TMED3: variants seen among roughly 807,000 people sequenced by gnomAD.
The protein encoded by TMED3 is transmembrane p24 trafficking protein 3, also known as transmembrane emp24 domain-containing protein 3.
A neutral mutation model predicts 15.0 loss-of-function variants in TMED3; 9 were observed. The ratio of observed to expected loss-of-function variants is 0.60; its 90% CI spans 0.36 to 1.04. TMED3 has a LOEUF of 1.04. Ranked by LOEUF, TMED3 falls within the 50% of genes least tolerant of loss-of-function variation. The pLI is 0.01. For missense variants in TMED3, 267 were observed against 278.9 expected, an observed-to-expected ratio of 0.96 and a Z score of 0.30; for synonymous variants, 117 against 121.4, an observed-to-expected ratio of 0.96 and a Z score of 0.24.
chr15:79,353,299 TATATATATTATATATATA>T (rs1236674980), intron 2 of TMED3, among the ~76,000 whole-genome samples: 2 of 7,902 alleles, frequency 2.5e-4, no homozygotes, highest in African/African-American at 9.2e-4. Flanking sequence ...ATATGTATAT[TATATATATTATATATATA>T]ATATATATAA....
In TMED3 at chr15:79,352,990, TTA is replaced by T. The variant is rs1478726858; in HGVS notation, c.417+38987_417+38988del. On this transcript the variant is annotated intron_variant, in intron 2 of 2. Coordinates refer to the TMED3 transcript ENST00000424155. Reference sequence around the variant, plus strand: ...ATATAAAATATATATAAATTATATATTATGTTATATAAAATATATATTATATA... The same window carrying T: ...ATATAAAATATATATAAATTATATATTGTTATATAAAATATATATTATATA... 5.0e-3 allele frequency among the ~76,000 whole-genome samples: 497 copies of T among 99,110 alleles called. 4 individuals carry two copies. Among genetic ancestry groups the T allele is most frequent in the African/African-American group, 0.018 (479 of 26,290 alleles). The allele number at this position is 99,110 out of a possible 152,430, so 65.0% of individuals were successfully genotyped here.
At chr15:79,359,315 C>A (rs985544905) in intron 2 of TMED3, among the ~76,000 whole-genome samples, 1 of 150,698 alleles carries the variant, frequency 6.6e-6, no homozygotes, top group Non-Finnish European at 1.5e-5. Context: ...TCACTGCAAC[C>A]TCCGCCTCCC....
chr15:79,388,943 T>C lies in TMED3; in HGVS notation c.418-22457T>C, dbSNP rs138636995. On this transcript the variant is annotated intron_variant, in intron 2 of 2. Transcript: ENST00000424155. ...AGCCCACTTTTTGATGAGATTGTTT[T>C]TTTTCTTACTGATTTGTTTGAGTTT... 8.2e-3 allele frequency among the ~76,000 whole-genome samples: 1,254 copies of C among 152,296 alleles called. 7 individuals are homozygous for C. The highest frequency in any genetic ancestry group is 0.014 in the Non-Finnish European group (944 of 67,984).
chr15:79,334,382 AT>A (rs1349849879), intron 2 of TMED3, among the ~76,000 whole-genome samples: 2 of 152,194 alleles, frequency 1.3e-5, no homozygotes, highest in East Asian at 3.8e-4. Flanking sequence ...GAATGGCAGC[AT>A]CTAGGGGCCA....
Position 79,392,846 on chromosome 15 carries a change from G to A in TMED3, c.418-18554G>A, listed in dbSNP as rs546821307. ...ACCCTTATCTGGCTGCAAAGCTTGA[G>A]CCTTCCAGTGACACAAAGCTAAAGG... is the stretch of plus-strand genomic sequence containing the variant. On this transcript the variant is annotated intron_variant, in intron 2 of 2. Transcript: ENST00000424155. Among the ~76,000 whole-genome samples the A allele has an allele frequency of 5.3e-5, 8 of 152,274 alleles. No individual in the cohort carries two copies. In the South Asian group the frequency reaches 1.7e-3, roughly 32 times the overall value.
intron 2 of TMED3, among the ~76,000 whole-genome samples, chr15:79,355,526 G>C (rs1350565206): frequency 6.6e-6 from 1 of 152,216 alleles, no homozygotes; most frequent in East Asian, 1.9e-4. Context: ...CAGGGCTCCA[G>C]TCCTGGGGTG....
intron 2 of TMED3, among the ~76,000 whole-genome samples, chr15:79,367,849 A>T (rs543334658): frequency 7.2e-5 from 11 of 152,262 alleles, no homozygotes; most frequent in Non-Finnish European, 1.3e-4. Context: ...GGTAGATTCA[A>T]AGATTTTCCG....
At chr15:79,390,169 T>C (rs950512587) in intron 2 of TMED3, among the ~76,000 whole-genome samples, 3 of 152,166 alleles carry the variant, frequency 2.0e-5, no homozygotes, top group African/African-American at 7.2e-5. Flanking sequence ...CTTGTTCCAG[T>C]TCTCAGAGGG....
At chr15:79,398,842 C>T (rs1428307869) in intron 2 of TMED3, among the ~76,000 whole-genome samples, 1 of 152,160 alleles carries the variant, frequency 6.6e-6, no homozygotes, top group African/African-American at 2.4e-5. Flanking sequence ...GGAATTAGGC[C>T]CACCCACAAT....
chr15:79,318,729 C>T (rs1208178854), intron 2 of TMED3, among the ~76,000 whole-genome samples: 1 of 152,214 alleles, frequency 6.6e-6, no homozygotes, highest in Non-Finnish European at 1.5e-5. Flanking sequence ...CCATCTGTGA[C>T]AGCTGACATG....
At chr15:79,411,481 C>T in exon 3 of TMED3, 1 of 702,496 alleles carries the variant, frequency 1.4e-6, no homozygotes, top group Admixed American at 2.0e-5. Context: ...CACCGAGGGA[C>T]TGGGACGACT....
intron 2 of TMED3, among the ~76,000 whole-genome samples, chr15:79,354,700 C>T (rs1206666526): frequency 6.6e-6 from 1 of 151,980 alleles, no homozygotes; most frequent in Non-Finnish European, 1.5e-5. Flanking sequence ...AGCCTCAGGC[C>T]CATCTTACCC....
intron 2 of TMED3, among the ~76,000 whole-genome samples, chr15:79,354,697 G>C (rs1269857506): frequency 6.6e-6 from 1 of 151,916 alleles, no homozygotes; most frequent in East Asian, 1.9e-4. Context: ...GGAAGCCTCA[G>C]GCCCATCTTA....
chr15:79,355,399 G>A (rs2058915002), intron 2 of TMED3, among the ~76,000 whole-genome samples: 1 of 152,122 alleles, frequency 6.6e-6, no homozygotes, highest in Admixed American at 6.5e-5. Flanking sequence ...TAGGTGGCTG[G>A]GCTGATTGGA....
intron 2 of TMED3, chr15:79,314,561 G>A (rs891523954): frequency 2.9e-5 from 13 of 455,502 alleles, no homozygotes; most frequent in Non-Finnish European, 4.4e-5. Context: ...TCTTCTGCCT[G>A]TAGCTGCCAA....
intron 2 of TMED3, among the ~76,000 whole-genome samples, chr15:79,376,926 C>CTCAGT (rs1893435201): frequency 6.6e-6 from 1 of 152,058 alleles, no homozygotes; most frequent in Non-Finnish European, 1.5e-5. Flanking sequence ...ACGTGATGTG[C>CTCAGT]TCAGTGGCTC....
At chr15:79,317,804 G>A (rs1232794628) in intron 2 of TMED3, among the ~76,000 whole-genome samples, 3 of 152,112 alleles carry the variant, frequency 2.0e-5, no homozygotes, top group Non-Finnish European at 2.9e-5. Flanking sequence ...CTTCTTAACC[G>A]AGGCCTGCAT....
At chr15:79,352,994 GTTATATAAAATATATA>G (rs1345910436) in intron 2 of TMED3, among the ~76,000 whole-genome samples, 1 of 97,532 alleles carries the variant, frequency 1.0e-5, no homozygotes, top group African/African-American at 4.1e-5. Context: ...TATATATTAT[GTTATATAAAATATATA>G]TTATATAAAA....
At chr15:79,403,220 C>CAAAAAAAAAAAA (rs71150908) in intron 2 of TMED3, among the ~76,000 whole-genome samples, 1 of 65,420 alleles carries the variant, frequency 1.5e-5, no homozygotes, top group African/African-American at 7.7e-5. Context: ...GACTCTGTCT[C>CAAAAAAAAAAAA]AAAAAAAAAA....
Sources: allele counts gnomAD v4.1 joint callset (sites outside exome capture counted in the v4.1 genomes callset), GRCh38; gene constraint gnomAD v4.1.1; transcripts MANE v1.5; gene names NCBI Gene and HGNC (gene_info 2026-07-23, HGNC 2026-07-21).